HLF: variants seen among roughly 807,000 people sequenced by gnomAD.
The protein encoded by HLF is HLF transcription factor, PAR bZIP family member.
Under a neutral mutation model 22.6 loss-of-function variants are expected in HLF, and 3 were observed. The observed-to-expected ratio is 0.13, with a 90% CI of 0.06 to 0.34. The LOEUF (loss-of-function observed/expected upper bound fraction) is 0.34. Among genes scored for constraint, HLF ranks in the 10% least tolerant of loss-of-function variants. The probability of loss-of-function intolerance (pLI) is 1.00; values close to 1 mark genes in which losing one functional copy is unlikely to be tolerated. For synonymous variants in HLF, 151 were observed against 151.8 expected (o/e 0.99, Z 0.04); for missense variants, 299 against 389.2 (o/e 0.77, Z 1.95).
At position 55,277,274 on chromosome 17, in the gene HLF, T is replaced by TGCGCGC. The variant is rs35280679; in HGVS notation, c.451+9191_451+9196dup. On this transcript the variant is annotated intron_variant, in intron 2 of 3. Transcript: ENST00000226067. ...GTGTGTGTGTGTGTGTGTGTGTGTGTGCGCGCGCATGTGTACGTGGGCATG... is the reference window on the plus strand; with the variant it reads ...GTGTGTGTGTGTGTGTGTGTGTGTGTGCGCGCGCGCGCGCATGTGTACGTGGGCATG... Among the ~76,000 whole-genome samples the TGCGCGC allele has an allele frequency of 1.2e-4, 14 of 113,986 alleles. No individual in the cohort carries two copies. The Admixed American group carries it at 1.4e-3, about 11-fold the overall frequency. The allele number at this position is 113,986 out of a possible 152,430, so 74.8% of individuals were successfully genotyped here. A position where few individuals can be genotyped will look rare whatever the true frequency, so the allele number is the denominator to read the frequency against.
rs2080776517 is a variant in HLF at position 55,265,261 on chromosome 17, T to A, written c.-224T>A. 3 of 444,354 alleles carry A rather than the reference T, an allele frequency of 6.8e-6. No individual in the cohort carries two copies. The highest frequency in any genetic ancestry group is 1.2e-5 in the Non-Finnish European group (3 of 255,718). The allele number at this position is 444,354 out of a possible 1,614,324, so 27.5% of individuals were successfully genotyped here. A position where few individuals can be genotyped will look rare whatever the true frequency, so the allele number is the denominator to read the frequency against. On this transcript the variant is annotated 5_prime_UTR_variant, in exon 1 of 4. Coordinates refer to ENST00000226067, the MANE Select transcript of HLF (RefSeq NM_002126.5). ...GAGCCCGCGGGCACTTGGCGCGCTCTCCTGGGACCGTCTGCACTGGAAACC... is the reference window on the plus strand; with the variant it reads ...GAGCCCGCGGGCACTTGGCGCGCTCACCTGGGACCGTCTGCACTGGAAACC...
intron 3 of HLF, among the ~76,000 whole-genome samples, chr17:55,319,237 A>G (rs17746069): frequency 0.12 from 18,603 of 152,168 alleles, 1,432 homozygotes; most frequent in Non-Finnish European, 0.17. Context: ...GTTGAGGGTA[A>G]TGGGCAGTTT....
intron 2 of HLF, among the ~76,000 whole-genome samples, chr17:55,280,649 G>A (rs1254490012): frequency 6.2e-5 from 9 of 145,986 alleles, no homozygotes; most frequent in Admixed American, 6.1e-4. Context: ...TGAACTGGCT[G>A]TCCTCTAGTT....
At chr17:55,295,356 A>G (rs1459624291) in intron 2 of HLF, among the ~76,000 whole-genome samples, 1 of 152,240 alleles carries the variant, frequency 6.6e-6, no homozygotes, top group Non-Finnish European at 1.5e-5. Flanking sequence ...ACAGGAAATG[A>G]TCAGGTCAGA....
chr17:55,266,227 C>G (rs1176403619), intron 1 of HLF: 1 of 152,262 alleles, frequency 6.6e-6, no homozygotes, highest in Non-Finnish European at 1.5e-5. Context: ...TTGACACTTT[C>G]CCGGTGCACT....
At chr17:55,270,925 A>AG (rs1197980855) in intron 2 of HLF, among the ~76,000 whole-genome samples, 37 of 152,130 alleles carry the variant, frequency 2.4e-4, no homozygotes, top group Admixed American at 7.2e-4. Context: ...TACAGGCGTG[A>AG]GCCACCGCGC....
intron 2 of HLF, chr17:55,271,538 A>G (rs1028990761): frequency 4.6e-5 from 7 of 152,096 alleles, no homozygotes; most frequent in African/African-American, 1.4e-4. Flanking sequence ...TTATTTGTTT[A>G]TTTATTTTTG....
intron 2 of HLF, among the ~76,000 whole-genome samples, chr17:55,310,280 G>A (rs1904770443): frequency 6.6e-6 from 1 of 152,162 alleles, no homozygotes; most frequent in African/African-American, 2.4e-5. Context: ...ACATGATGGG[G>A]TTGATCTTGT....
At chr17:55,309,533 A>G (rs1351355018) in intron 2 of HLF, among the ~76,000 whole-genome samples, 1 of 152,226 alleles carries the variant, frequency 6.6e-6, no homozygotes, top group Non-Finnish European at 1.5e-5. Flanking sequence ...AGTCATGACA[A>G]GTGAACAGAC....
chr17:55,275,746 G>A (rs2080899214), intron 2 of HLF, among the ~76,000 whole-genome samples: 1 of 152,182 alleles, frequency 6.6e-6, no homozygotes, highest in Non-Finnish European at 1.5e-5. Flanking sequence ...AAGCTACTGT[G>A]CAAGAAAGAT....
intron 3 of HLF, among the ~76,000 whole-genome samples, chr17:55,316,354 A>C (rs1905064664): frequency 6.6e-6 from 1 of 152,132 alleles, no homozygotes; most frequent in Admixed American, 6.5e-5. Context: ...CATCTCTCAA[A>C]CCTAACTATT....
intron 1 of HLF, among the ~76,000 whole-genome samples, chr17:55,266,486 T>C (rs1231048305): frequency 6.6e-6 from 1 of 152,234 alleles, no homozygotes; most frequent in African/African-American, 2.4e-5. Context: ...TGTAAAGTTC[T>C]GAAAGGTTAT....
intron 2 of HLF, among the ~76,000 whole-genome samples, chr17:55,313,241 TGAG>T (rs144532659): frequency 2.6e-5 from 4 of 152,318 alleles, no homozygotes; most frequent in Non-Finnish European, 5.9e-5. Context: ...CATCATTAAA[TGAG>T]GAGCAGTCTT....
At chr17:55,303,054 AAGC>A (rs1334604652) in intron 2 of HLF, among the ~76,000 whole-genome samples, 2 of 152,194 alleles carry the variant, frequency 1.3e-5, no homozygotes, top group African/African-American at 4.8e-5. Context: ...ATGTTGACAA[AAGC>A]AGAAGTCCCC....
At chr17:55,305,639 T>C (rs1323010277) in intron 2 of HLF, among the ~76,000 whole-genome samples, 1 of 152,210 alleles carries the variant, frequency 6.6e-6, no homozygotes, top group Non-Finnish European at 1.5e-5. Flanking sequence ...AAGCAGGTGG[T>C]TTCACCCCCT....
At chr17:55,286,281 T>A (rs967206361) in intron 2 of HLF, among the ~76,000 whole-genome samples, 3 of 152,182 alleles carry the variant, frequency 2.0e-5, no homozygotes, top group Non-Finnish European at 2.9e-5. Context: ...TCTATTTTTA[T>A]TTCTTTTCTC....
intron 2 of HLF, among the ~76,000 whole-genome samples, chr17:55,307,147 C>CTTTTTTTTTTTT (rs35828509): frequency 1.4e-5 from 1 of 70,124 alleles, no homozygotes; most frequent in African/African-American, 6.2e-5. Flanking sequence ...TCTCAGCGGC[C>CTTTTTTTTTTTT]TTTTTTTTTT....
At position 55,320,948 on chromosome 17, in the gene HLF, C is replaced by T; in HGVS notation, c.*69C>T. On this transcript the variant is annotated 3_prime_UTR_variant, in exon 4 of 4. Transcript: ENST00000226067. The surrounding 1 kb of genome is among the most constrained non-coding windows in gnomAD (Gnocchi z 4.2). ...GTTTCCTGTCTGATAGCACCACACG[C>T]AAACCAACCTTTCTGACATCAGCAC... is the stretch of plus-strand genomic sequence containing the variant. The T allele has an allele frequency of 8.1e-7, 1 of 1,228,140 alleles. No homozygotes were observed. The highest frequency in any genetic ancestry group is 1.2e-6 in the Non-Finnish European group (1 of 861,128). The allele number at this position is 1,228,140 out of a possible 1,614,324, so 76.1% of individuals were successfully genotyped here. A position where few individuals can be genotyped will look rare whatever the true frequency, so the allele number is the denominator to read the frequency against.
rs1012197482 is a variant in HLF, at chr17:55,324,805, GTGTGCGTGCATGTGTGTGTGTGTGTA to G, written c.*3931_*3956del. 34 of 229,500 alleles carry G rather than the reference GTGTGCGTGCATGTGTGTGTGTGTGTA, an allele frequency of 1.5e-4. No individual in the cohort carries two copies. Among genetic ancestry groups the G allele is most frequent in the African/African-American group, 6.9e-4 (31 of 45,096 alleles). The allele number at this position is 229,500 out of a possible 1,614,324, so 14.2% of individuals were successfully genotyped here. A position where few individuals can be genotyped will look rare whatever the true frequency, so the allele number is the denominator to read the frequency against. ...TAAGTGTAAGAGTGTGTGTGTGTGT[GTGTGCGTGCATGTGTGTGTGTGTGTA>G]TGTGTGTGAATAAGTCGACATAAAG... On this transcript the variant is annotated 3_prime_UTR_variant, in exon 4 of 4. Transcript: ENST00000226067.
Sources: gnomAD v4.1 joint callset for allele counts (sites outside exome capture counted in the v4.1 genomes callset) on GRCh38, gnomAD v4.1.1 for gene constraint, Gnocchi (gnomAD v3.1) non-coding constraint, MANE v1.5 for transcripts, NCBI Gene and HGNC (gene_info 2026-07-23, HGNC 2026-07-21) for gene names.